GLI3: variants seen among roughly 807,000 people sequenced by gnomAD.
GLI3 encodes the protein GLI family zinc finger 3.
In GLI3, 20 loss-of-function variants were observed where a neutral mutation model predicts 100.8. That is an observed-to-expected ratio of 0.20 (90% CI 0.14 to 0.29). The LOEUF (loss-of-function observed/expected upper bound fraction) is 0.29. Ranked by LOEUF, GLI3 falls within the 10% of genes least tolerant of loss-of-function variation. The pLI is 1.00. For missense variants in GLI3, 2,040 were observed against 2,128.5 expected, an observed-to-expected ratio of 0.96 and a Z score of 0.82; for synonymous variants, 938 against 860.5, an observed-to-expected ratio of 1.09 and a Z score of -1.58.
chr7:42,245,295 A>T (rs1028114018), intron 1 of GLI3, among the ~76,000 whole-genome samples: 1 of 152,202 alleles, frequency 6.6e-6, no homozygotes, highest in Non-Finnish European at 1.5e-5. Flanking sequence ...GTAATCACAG[A>T]ATCACAGTAA....
intron 3 of GLI3, among the ~76,000 whole-genome samples, chr7:42,137,143 G>A (rs1440355303): frequency 7.2e-5 from 11 of 152,142 alleles, no homozygotes; most frequent in Admixed American, 4.6e-4. Flanking sequence ...GTGACTTCAA[G>A]AGCAAAGCCC....
At chr7:42,172,941 G>A (rs1480177441) in intron 2 of GLI3, among the ~76,000 whole-genome samples, 1 of 152,212 alleles carries the variant, frequency 6.6e-6, no homozygotes, top group East Asian at 1.9e-4. Flanking sequence ...CTGGGAAGCA[G>A]CAGTCAGAAG....
At chr7:42,197,676 C>G (rs1787955026) in intron 2 of GLI3, among the ~76,000 whole-genome samples, 1 of 152,200 alleles carries the variant, frequency 6.6e-6, no homozygotes, top group African/African-American at 2.4e-5. Context: ...ATGTTCCGGT[C>G]AGCGGGAGGT....
At chr7:41,970,009 T>G (rs1262389775) in intron 13 of GLI3, among the ~76,000 whole-genome samples, 2 of 152,182 alleles carry the variant, frequency 1.3e-5, no homozygotes, top group African/African-American at 4.8e-5. Flanking sequence ...GAAAACACAT[T>G]GCTTCTATAT....
At chr7:42,089,150 G>A (rs1785164995) in intron 3 of GLI3, among the ~76,000 whole-genome samples, 1 of 152,168 alleles carries the variant, frequency 6.6e-6, no homozygotes, top group African/African-American at 2.4e-5. Flanking sequence ...TCTATACCTT[G>A]TACGCCTAGG....
intron 3 of GLI3, among the ~76,000 whole-genome samples, chr7:42,116,448 T>C (rs1170543286): frequency 7.1e-6 from 1 of 141,596 alleles, no homozygotes; most frequent in African/African-American, 2.7e-5. Context: ...GCTTCATTAA[T>C]ACCCAGAGGA....
intron 1 of GLI3, among the ~76,000 whole-genome samples, chr7:42,262,001 T>C (rs201467980): frequency 7.4e-6 from 1 of 134,878 alleles, no homozygotes; most frequent in Non-Finnish European, 1.6e-5. Context: ...TCTTTCTTTC[T>C]TTTCTTTCTT....
At chr7:42,067,968 T>A (rs1265442144) in intron 4 of GLI3, among the ~76,000 whole-genome samples, 2 of 152,370 alleles carry the variant, frequency 1.3e-5, no homozygotes, top group East Asian at 3.9e-4. Context: ...TATAAACATG[T>A]GTGATGCTGC....
upstream of GLI3, among the ~76,000 whole-genome samples, chr7:42,241,571 G>A (rs1788925239): frequency 6.6e-6 from 1 of 152,210 alleles, no homozygotes; most frequent in Non-Finnish European, 1.5e-5. Context: ...CTGCCAGGAA[G>A]GAGAATACTT....
At chr7:42,118,025 A>G (rs1298307549) in intron 3 of GLI3, among the ~76,000 whole-genome samples, 2 of 152,222 alleles carry the variant, frequency 1.3e-5, no homozygotes, top group African/African-American at 4.8e-5. Flanking sequence ...CAAAGCTGTC[A>G]GAAGGCCCTC....
intron 3 of GLI3, among the ~76,000 whole-genome samples, chr7:42,131,869 C>T (rs949060677): frequency 1.3e-5 from 2 of 152,036 alleles, no homozygotes; most frequent in African/African-American, 4.8e-5. Context: ...TAAAGATTAA[C>T]TTTCTCATTT....
chr7:42,230,108 G>C (rs987903342), intron 1 of GLI3, among the ~76,000 whole-genome samples: 6 of 120,032 alleles, frequency 5.0e-5, no homozygotes, highest in Admixed American at 8.7e-5. Flanking sequence ...CGGGGGGGGG[G>C]GGGGTGGAAA....
intron 3 of GLI3, among the ~76,000 whole-genome samples, chr7:42,119,067 C>T (rs1424955268): frequency 6.6e-6 from 1 of 152,150 alleles, no homozygotes. Flanking sequence ...GCTTCCCTCA[C>T]CTACAAGTGA....
At chr7:42,099,781 T>C (rs187969439) in intron 3 of GLI3, among the ~76,000 whole-genome samples, 51 of 152,356 alleles carry the variant, frequency 3.3e-4, no homozygotes, top group East Asian at 1.4e-3. Flanking sequence ...TCCTCCCACA[T>C]TGGCCTCCCA....
intron 13 of GLI3, among the ~76,000 whole-genome samples, chr7:41,968,744 GAAAGAAAGAAAGAAAGAAGGAAAGA>G (rs1787279278): frequency 7.9e-6 from 1 of 127,194 alleles, no homozygotes; most frequent in African/African-American, 3.8e-5. Flanking sequence ...AAGAAAGAAA[GAAAGAAAGAAAGAAAGAAGGAAAGA>G]AAGAAAGAAA....
intron 1 of GLI3, among the ~76,000 whole-genome samples, chr7:42,254,217 T>TAAAAAA (rs3057276): frequency 0.43 from 50,975 of 117,562 alleles, 12,521 homozygotes; most frequent in East Asian, 0.57. Flanking sequence ...AAAACTCCGT[T>TAAAAAA]AAAAAAAAAA....
chr7:42,157,718 T>C (rs1456827338), intron 2 of GLI3, among the ~76,000 whole-genome samples: 1 of 152,148 alleles, frequency 6.6e-6, no homozygotes, highest in East Asian at 1.9e-4. Context: ...TTGTCTTTTA[T>C]TTTTAATTCT....
At chr7:42,146,046 C>A (rs1786698413) in intron 3 of GLI3, among the ~76,000 whole-genome samples, 1 of 152,140 alleles carries the variant, frequency 6.6e-6, no homozygotes, top group Admixed American at 6.5e-5. Flanking sequence ...GACTTCCCAT[C>A]CATATTATCT....
chr7:42,252,090 A>C (rs1284340085), intron 1 of GLI3, among the ~76,000 whole-genome samples: 1 of 152,234 alleles, frequency 6.6e-6, no homozygotes, highest in African/African-American at 2.4e-5. Flanking sequence ...TATGGAATCA[A>C]TCTAAATGCC....
Sources: gnomAD v4.1 joint callset for allele counts (sites outside exome capture counted in the v4.1 genomes callset) on GRCh38, gnomAD v4.1.1 for gene constraint, MANE v1.5 for transcripts, NCBI Gene and HGNC (gene_info 2026-07-23, HGNC 2026-07-21) for gene names.